The following DCK variants were observed in gnomAD, a reference collection of about 807,000 sequenced individuals.
The protein encoded by DCK is deoxycytidine kinase, also known as deoxyadenosine kinase.
In DCK, 23 loss-of-function variants were observed where a neutral mutation model predicts 38.3. The ratio of observed to expected loss-of-function variants is 0.60; its 90% CI spans 0.43 to 0.85. The LOEUF is 0.85. Ranked by LOEUF, DCK falls within the 40% of genes least tolerant of loss-of-function variation. DCK has a pLI of 0.00. For synonymous variants in DCK, 108 were observed against 100.6 expected (o/e 1.07, Z -0.44); for missense variants, 259 against 304.4 (o/e 0.85, Z 1.11).
At chr4:71,028,540 A>G (rs1019157294) in intron 6 of DCK, 3 of 376,782 alleles carry the variant, frequency 8.0e-6, no homozygotes, top group Non-Finnish European at 1.6e-5. Flanking sequence ...CAGAGCAATA[A>G]ATAACTCCTA....
chr4:70,998,952 T>C (rs923320220), intron 2 of DCK, among the ~76,000 whole-genome samples: 4 of 152,178 alleles, frequency 2.6e-5, no homozygotes, highest in African/African-American at 9.6e-5. Flanking sequence ...AAGTAAAATT[T>C]ATCAAACTAT....
intron 2 of DCK, among the ~76,000 whole-genome samples, chr4:71,008,667 T>C (rs1740014326): frequency 1.3e-5 from 2 of 152,182 alleles, no homozygotes; most frequent in Admixed American, 1.3e-4. Context: ...AGGGTATTCT[T>C]AAACAGGGTA....
At chr4:71,002,175 T>C (rs1473532054) in intron 2 of DCK, among the ~76,000 whole-genome samples, 1 of 152,354 alleles carries the variant, frequency 6.6e-6, no homozygotes, top group East Asian at 1.9e-4. Context: ...GTTATGTCTT[T>C]GTTCTCATTG....
rs534393418 is a variant in DCK at position 70,997,860 on chromosome 4, G to A, written c.92-207G>A. 6.6e-5 allele frequency among the ~76,000 whole-genome samples: 10 copies of A among 152,270 alleles called. No individual in the cohort carries two copies. The East Asian group carries it at 7.7e-4, about 12-fold the overall frequency. On this transcript the variant is annotated intron_variant, in intron 1 of 6. Coordinates refer to ENST00000286648, the MANE Select transcript of DCK (RefSeq NM_000788.3). ...AATATAATATATTGTTAAACTAAAC[G>A]TAATAAAAAACAAATGTGCTTAATG...
chr4:71,009,988 G>A (rs543668550), intron 2 of DCK, among the ~76,000 whole-genome samples: 2 of 152,106 alleles, frequency 1.3e-5, no homozygotes, highest in African/African-American at 4.8e-5. Context: ...AATGCTGTTA[G>A]TGATGAGAAG....
Position 71,011,232 on chromosome 4 carries a change from CTTTTTTTTTTTT to C in DCK, c.208-11122_208-11111del, listed in dbSNP as rs11322673. Among the ~76,000 whole-genome samples the C allele has an allele frequency of 1.9e-4, 18 of 93,008 alleles. No individual in the cohort carries two copies. In the East Asian group the frequency reaches 2.8e-3, roughly 14 times the overall value. 61.0% of individuals were successfully genotyped at this position (93,008 alleles called of 152,430 possible). Reference sequence around the variant, plus strand: ...GGCTGGGATTACAGGTGTGAGGTCTCTTTTTTTTTTTTTTTTTTTTTTTTAAGACGGAGTCTT... The same window carrying C: ...GGCTGGGATTACAGGTGTGAGGTCTCTTTTTTTTTTTTAAGACGGAGTCTT... On this transcript the variant is annotated intron_variant, in intron 2 of 6. Coordinates refer to ENST00000286648, the MANE Select transcript of DCK (RefSeq NM_000788.3).
intron 2 of DCK, among the ~76,000 whole-genome samples, chr4:71,005,891 C>T (rs1234227745): frequency 4.6e-5 from 7 of 151,304 alleles, no homozygotes; most frequent in East Asian, 2.0e-4. Context: ...TTTGGGAGGC[C>T]GAGGCAGGTG....
chr4:71,018,420 G>A (rs758173679), intron 2 of DCK, among the ~76,000 whole-genome samples: 6 of 152,024 alleles, frequency 3.9e-5, no homozygotes, highest in Middle Eastern at 3.4e-3. Flanking sequence ...GAGCCACTGC[G>A]CCCGGCCTAG....
intron 1 of DCK, among the ~76,000 whole-genome samples, chr4:70,994,169 T>C (rs1739607167): frequency 6.6e-6 from 1 of 152,158 alleles, no homozygotes; most frequent in African/African-American, 2.4e-5. Context: ...TGAGGCGCGC[T>C]TTGAACCTCT....
At chr4:71,020,386 T>C (rs1179902404) in intron 2 of DCK, among the ~76,000 whole-genome samples, 1 of 152,240 alleles carries the variant, frequency 6.6e-6, no homozygotes, top group Non-Finnish European at 1.5e-5. Flanking sequence ...GTTTAGCTGT[T>C]GTCAGATTGA....
intron 1 of DCK, among the ~76,000 whole-genome samples, chr4:70,996,036 C>G (rs113180333): frequency 2.0e-5 from 3 of 152,122 alleles, no homozygotes; most frequent in African/African-American, 7.2e-5. Flanking sequence ...GAGAACTAGT[C>G]TCTAAGAAAA....
At chr4:71,028,811 G>A in intron 6 of DCK, 1 of 305,910 alleles carries the variant, frequency 3.3e-6, no homozygotes, top group African/African-American at 2.3e-5. Flanking sequence ...AGGCTGGAGT[G>A]CGATGGCGCG....
intron 5 of DCK, among the ~76,000 whole-genome samples, chr4:71,026,459 A>G (rs1740549817): frequency 6.6e-6 from 1 of 152,084 alleles, no homozygotes; most frequent in South Asian, 2.1e-4. Context: ...ACCCAGCTGT[A>G]TATATTTTGT....
chr4:71,018,624 T>C (rs1740333846), intron 2 of DCK, among the ~76,000 whole-genome samples: 1 of 151,776 alleles, frequency 6.6e-6, no homozygotes, highest in Non-Finnish European at 1.5e-5. Context: ...CTTGATAAAA[T>C]TAACATTCAG....
chr4:71,020,405 T>C (rs1740386265), intron 2 of DCK, among the ~76,000 whole-genome samples: 1 of 152,216 alleles, frequency 6.6e-6, no homozygotes, highest in African/African-American at 2.4e-5. Flanking sequence ...GATTCATCCG[T>C]TGTAAAATTC....
intron 6 of DCK, 55 bp downstream of exon 6, chr4:71,026,810 A>G: frequency 1.2e-6 from 1 of 840,118 alleles, no homozygotes; most frequent in Admixed American, 2.5e-5. Flanking sequence ...AAGTGTACTG[A>G]GTGGTGAGAA....
intron 1 of DCK, among the ~76,000 whole-genome samples, chr4:70,996,956 A>C (rs2148911422): frequency 6.6e-6 from 1 of 152,302 alleles, no homozygotes; most frequent in South Asian, 2.1e-4. Flanking sequence ...TAATTTATTA[A>C]TTAGCTTATT....
intron 3 of DCK, 50 bp from the exon 4 acceptor site, chr4:71,023,509 T>G (rs776346903): frequency 8.3e-7 from 1 of 1,207,566 alleles, no homozygotes; most frequent in East Asian, 2.6e-5. Context: ...TTTATTTCTT[T>G]GTTGTTTTTT....
chr4:71,026,619 T>C (rs1385209596), intron 5 of DCK, 46 bp from the exon 6 acceptor site: 1 of 931,054 alleles, frequency 1.1e-6, no homozygotes, highest in South Asian at 1.4e-5. Context: ...TCTCTCTTTT[T>C]TTTGTTGAAT....
Sources: gnomAD v4.1 joint callset for allele counts (sites outside exome capture counted in the v4.1 genomes callset) on GRCh38, gnomAD v4.1.1 for gene constraint, MANE v1.5 for transcripts, NCBI Gene and HGNC (gene_info 2026-07-23, HGNC 2026-07-21) for gene names.